The following SREBF2 variants were observed in gnomAD, a reference collection of about 807,000 sequenced individuals.
SREBF2 encodes sterol regulatory element binding transcription factor 2.
Under a neutral mutation model 113.1 loss-of-function variants are expected in SREBF2, and 55 were observed. That is an observed-to-expected ratio of 0.49 (90% CI 0.39 to 0.61). The LOEUF (loss-of-function observed/expected upper bound fraction) is 0.61, where lower values mean the gene tolerates loss of function less well. Among genes scored for constraint, SREBF2 ranks in the 20% least tolerant of loss-of-function variants. SREBF2 has a pLI of 0.00. For synonymous variants in SREBF2, 593 were observed against 605.7 expected (o/e 0.98, Z 0.31); for missense variants, 1,349 against 1,487.4 (o/e 0.91, Z 1.53).
chr22:41,862,659 G>A (rs1345752461), intron 1 of SREBF2, among the ~76,000 whole-genome samples: 1 of 152,182 alleles, frequency 6.6e-6, no homozygotes, highest in Admixed American at 6.5e-5. Flanking sequence ...ATTCCCATGG[G>A]TGTAGCTCAC....
At chr22:41,864,735 G>A (rs925296803) in intron 1 of SREBF2, among the ~76,000 whole-genome samples, 7 of 152,048 alleles carry the variant, frequency 4.6e-5, no homozygotes, top group Non-Finnish European at 2.9e-5. Flanking sequence ...CCGAGAGGTT[G>A]CTTTTCAGGA....
intron 16 of SREBF2, 63 bp downstream of exon 16, chr22:41,900,561 C>A: frequency 6.5e-7 from 1 of 1,531,824 alleles, no homozygotes; most frequent in South Asian, 1.2e-5. Flanking sequence ...AGAACACTCC[C>A]ACTCACCTCA....
Position 41,833,427 on chromosome 22 carries a change from T to G in SREBF2, c.88+69T>G, listed in dbSNP as rs963044354. 9 of 1,363,534 alleles carry G rather than the reference T, an allele frequency of 6.6e-6. No homozygotes were observed. Among genetic ancestry groups the G allele is most frequent in the African/African-American group, 1.5e-5 (1 of 66,536 alleles). 84.5% of individuals were successfully genotyped at this position (1,363,534 alleles called of 1,614,324 possible). On this transcript the variant is annotated intron_variant, in intron 1 of 18. Transcript: ENST00000361204. The surrounding 1 kb of genome is among the most constrained non-coding windows in gnomAD (Gnocchi z 4.1). ...AAGGGGTTACGGCGGCGCGCCCGGG[T>G]GCGCGTGCGCCCACCCCCCGACAGC...
Position 41,866,928 on chromosome 22 carries a change from C to T in SREBF2, c.186C>T (p.Ser62=). ...SSFPGSGGSG[S]SSGSSGSSSS... is the part of the protein sequence containing the mutation. ...TTCCTGGCAGTGGTGGTAGTGGTAG[C>T]AGCAGCGGCAGCAGTGGCAGCAGCA... Residue 62 remains serine (S), a synonymous_variant, in exon 2 of 19, where the codon AGC becomes AGT. Coordinates refer to ENST00000361204, the MANE Select transcript of SREBF2 (RefSeq NM_004599.4). 6.2e-7 allele frequency: 1 copy of T among 1,613,372 alleles called. No individual in the cohort carries two copies.
At chr22:41,855,104 G>A (rs891855153) in intron 1 of SREBF2, among the ~76,000 whole-genome samples, 19 of 151,586 alleles carry the variant, frequency 1.3e-4, no homozygotes, top group Admixed American at 1.1e-3. Context: ...AACATCATGA[G>A]CACATGTCAG....
At chr22:41,877,792 A>G (rs1237830225) in intron 8 of SREBF2, 150 bp from the exon 9 acceptor site, 8 of 890,002 alleles carry the variant, frequency 9.0e-6, no homozygotes, top group Admixed American at 1.9e-5. Flanking sequence ...GGCTACAGTC[A>G]TTAGCCCTGT....
At position 41,895,807 on chromosome 22, in the gene SREBF2, C is replaced by G. The variant is rs1457974610; in HGVS notation, c.2495+870C>G. Among the ~76,000 whole-genome samples the G allele has an allele frequency of 1.3e-5, 2 of 151,982 alleles. 1 individual carries two copies. The highest frequency in any genetic ancestry group is 3.9e-4 in the East Asian group (2 of 5,162). The stretch of plus-strand genomic sequence containing the variant: ...TGGACCAAGTCAGGGATTTCATTAG[C>G]TTGCTCTGCTTTTTGGGGTAGGGAG... On this transcript the variant is annotated intron_variant, in intron 13 of 18. Coordinates refer to ENST00000361204, the MANE Select transcript of SREBF2 (RefSeq NM_004599.4).
At chr22:41,900,150 G>C (rs2077452820) in intron 15 of SREBF2, 180 bp from the exon 16 acceptor site, 1 of 1,496,306 alleles carries the variant, frequency 6.7e-7, no homozygotes. Flanking sequence ...GCTAACCCTA[G>C]CTCAGGGCTG....
intron 3 of SREBF2, 148 bp downstream of exon 3, chr22:41,868,940 A>T (rs746502764): frequency 2.0e-6 from 2 of 1,001,440 alleles, no homozygotes; most frequent in Admixed American, 4.3e-5. Context: ...TGAGCAGCGT[A>T]TAGTGACCTG....
intron 1 of SREBF2, among the ~76,000 whole-genome samples, chr22:41,837,730 T>A (rs1369570166): frequency 6.7e-6 from 1 of 149,084 alleles, no homozygotes; most frequent in Non-Finnish European, 1.5e-5. Flanking sequence ...TCGTGGCACA[T>A]GCCTGTAATC....
intron 16 of SREBF2, among the ~76,000 whole-genome samples, chr22:41,902,633 G>A (rs1278667490): frequency 6.6e-6 from 1 of 152,152 alleles, no homozygotes; most frequent in East Asian, 1.9e-4. Flanking sequence ...CCATGGGGTG[G>A]AAGAACCTGC....
chr22:41,878,214 TGTG>T (rs2077215374), intron 9 of SREBF2, 91 bp downstream of exon 9: 3 of 1,547,714 alleles, frequency 1.9e-6, no homozygotes, highest in Admixed American at 3.6e-5. Context: ...GATAGATGCT[TGTG>T]GTGAGAGGAA....
chr22:41,872,512 C>T (rs1343969832), intron 4 of SREBF2, among the ~76,000 whole-genome samples: 1 of 152,030 alleles, frequency 6.6e-6, no homozygotes, highest in South Asian at 2.1e-4. Flanking sequence ...TTGTGCATGA[C>T]GTACTTATTG....
chr22:41,899,658 C>A, intron 15 of SREBF2: 1 of 797,750 alleles, frequency 1.3e-6, no homozygotes, highest in Non-Finnish European at 1.5e-6. Flanking sequence ...GGTAAGCACC[C>A]AGCCCGGTAT....
intron 1 of SREBF2, among the ~76,000 whole-genome samples, chr22:41,845,164 C>T (rs2076865850): frequency 6.6e-6 from 1 of 152,044 alleles, no homozygotes; most frequent in Non-Finnish European, 1.5e-5. Context: ...CTCCTTACCT[C>T]GTGATCCACC....
chr22:41,878,842 C>T, intron 9 of SREBF2: 1 of 893,212 alleles, frequency 1.1e-6, no homozygotes, highest in Non-Finnish European at 1.6e-6. Flanking sequence ...GATCTGTCAG[C>T]CTTGCTGGGG....
At position 41,878,799 on chromosome 22, in the gene SREBF2, G is replaced by C. The variant is rs764011823; in HGVS notation, c.1761+676G>C. ...GCCCTCCCCACCTCTGCAAGCTGCAGGGCCATTAGTGAGAATCTGATTGGC... is the reference window on the plus strand; with the variant it reads ...GCCCTCCCCACCTCTGCAAGCTGCACGGCCATTAGTGAGAATCTGATTGGC... On this transcript the variant is annotated intron_variant, in intron 9 of 18. Coordinates refer to ENST00000361204, the MANE Select transcript of SREBF2 (RefSeq NM_004599.4). 2.5e-5 allele frequency: 31 copies of C among 1,234,964 alleles called. No individual in the cohort carries two copies. The South Asian group carries it at 3.9e-4, about 16-fold the overall frequency. The allele number at this position is 1,234,964 out of a possible 1,614,324, so 76.5% of individuals were successfully genotyped here.
chr22:41,906,240 C>CAGGACAGCCAGGGGAGGAGGGG lies in SREBF2; in HGVS notation c.*581_*602dup, dbSNP rs1225332965. The CAGGACAGCCAGGGGAGGAGGGG allele has an allele frequency of 2.5e-4, 76 of 306,330 alleles. No homozygotes were observed. Among genetic ancestry groups the CAGGACAGCCAGGGGAGGAGGGG allele is most frequent in the African/African-American group, 1.6e-3 (72 of 45,736 alleles). The allele number at this position is 306,330 out of a possible 1,614,324, so 19.0% of individuals were successfully genotyped here. A position where few individuals can be genotyped will look rare whatever the true frequency, so the allele number is the denominator to read the frequency against. On this transcript the variant is annotated 3_prime_UTR_variant, in exon 19 of 19. Coordinates refer to ENST00000361204, the MANE Select transcript of SREBF2 (RefSeq NM_004599.4). ...GCTCATTGTTTTTCCCTTTATTACA[C>CAGGACAGCCAGGGGAGGAGGGG]AGGACAGCCAGGGGAGGAGGGGGGC...
chr22:41,856,434 T>G (rs1037625213), intron 1 of SREBF2, among the ~76,000 whole-genome samples: 1 of 152,152 alleles, frequency 6.6e-6, no homozygotes, highest in Non-Finnish European at 1.5e-5. Flanking sequence ...TGGCCAATAA[T>G]TTTCTTTAAC....
Sources: gnomAD v4.1 joint callset for allele counts (sites outside exome capture counted in the v4.1 genomes callset) on GRCh38, gnomAD v4.1.1 for gene constraint, Gnocchi (gnomAD v3.1) non-coding constraint, MANE v1.5 for transcripts, NCBI Gene and HGNC (gene_info 2026-07-23, HGNC 2026-07-21) for gene names.